RAD51B: variants seen among roughly 807,000 people sequenced by gnomAD.
RAD51B encodes RAD51 paralog B.
In RAD51B, 38 loss-of-function variants were observed where a neutral mutation model predicts 42.2. The ratio of observed to expected loss-of-function variants is 0.90; its 90% CI spans 0.70 to 1.18. The LOEUF is 1.18. Among genes scored for constraint, RAD51B ranks in the 50% most tolerant of loss-of-function variants. The probability of loss-of-function intolerance (pLI) is 0.00; values close to 1 mark genes in which losing one functional copy is unlikely to be tolerated. For synonymous variants in RAD51B, 154 were observed against 145.2 expected, an observed-to-expected ratio of 1.06 and a Z score of -0.43; for missense variants, 373 against 400.7, an observed-to-expected ratio of 0.93 and a Z score of 0.59.
chr14:67,958,273 A>G (rs564299619), intron 7 of RAD51B, among the ~76,000 whole-genome samples: 1 of 152,284 alleles, frequency 6.6e-6, no homozygotes, highest in South Asian at 2.1e-4. Context: ...TTTCTGTATG[A>G]ATTTCTTTCC....
At chr14:68,611,562 G>A in exon 11 of RAD51B, 1 of 428,130 alleles carries the variant, frequency 2.3e-6, no homozygotes, top group South Asian at 2.7e-5. Flanking sequence ...CAGCTCCTAG[G>A]AGGAAAGGTA....
At chr14:68,092,689 A>G (rs1253171532) in intron 7 of RAD51B, among the ~76,000 whole-genome samples, 6 of 152,118 alleles carry the variant, frequency 3.9e-5, no homozygotes, top group Non-Finnish European at 8.8e-5. Flanking sequence ...AATACCCTTT[A>G]TTTCCTTTTC....
chr14:68,654,981 G>A (rs1239047597), intron 11 of RAD51B, among the ~76,000 whole-genome samples: 1 of 152,150 alleles, frequency 6.6e-6, no homozygotes, highest in Non-Finnish European at 1.5e-5. Flanking sequence ...TGAAAGGAGG[G>A]AGTAGGAGGC....
chr14:68,283,785 C>T (rs184312752), intron 7 of RAD51B, among the ~76,000 whole-genome samples: 7 of 152,352 alleles, frequency 4.6e-5, no homozygotes, highest in Admixed American at 4.6e-4. Context: ...GGCACGGTAG[C>T]TGCCGGCCCA....
chr14:68,457,904 C>T (rs1310330308), intron 9 of RAD51B, among the ~76,000 whole-genome samples: 2 of 149,216 alleles, frequency 1.3e-5, no homozygotes, highest in South Asian at 2.1e-4. Flanking sequence ...TGAGCCACTG[C>T]GCCCAGCCCT....
At chr14:68,339,103 C>T (rs191433675) in intron 8 of RAD51B, 1 of 690,816 alleles carries the variant, frequency 1.4e-6, no homozygotes, top group South Asian at 1.5e-5. Context: ...AAGGTGGTGA[C>T]CATGTTAACT....
chr14:68,645,113 C>A (rs1892538780), intron 10 of RAD51B, among the ~76,000 whole-genome samples: 1 of 152,166 alleles, frequency 6.6e-6, no homozygotes, highest in Non-Finnish European at 1.5e-5. Context: ...TTTGATCTTT[C>A]CAACCTGAAA....
intron 5 of RAD51B, among the ~76,000 whole-genome samples, chr14:67,868,343 G>A (rs554382051): frequency 2.0e-5 from 3 of 152,314 alleles, no homozygotes; most frequent in South Asian, 2.1e-4. Flanking sequence ...CTGGAAAATC[G>A]GGTCACTCCC....
intron 3 of RAD51B, among the ~76,000 whole-genome samples, chr14:67,834,149 C>T (rs1188213037): frequency 1.3e-5 from 2 of 152,104 alleles, no homozygotes; most frequent in Non-Finnish European, 2.9e-5. Context: ...TTTTGGTGGC[C>T]ATTAACATTC....
intron 7 of RAD51B, among the ~76,000 whole-genome samples, chr14:68,022,864 C>T (rs945981535): frequency 6.6e-6 from 1 of 152,054 alleles, no homozygotes; most frequent in African/African-American, 2.4e-5. Flanking sequence ...CTGGTGTACT[C>T]AATATTTCAC....
At chr14:68,648,573 C>G (rs1442826280) in intron 10 of RAD51B, among the ~76,000 whole-genome samples, 3 of 151,492 alleles carry the variant, frequency 2.0e-5, no homozygotes, top group Non-Finnish European at 2.9e-5. Context: ...CATCTGCACA[C>G]TCATTTGAAT....
chr14:68,515,947 G>T (rs111761199), intron 10 of RAD51B, among the ~76,000 whole-genome samples: 193 of 151,708 alleles, frequency 1.3e-3, no homozygotes, highest in African/African-American at 4.4e-3. Context: ...CACCATGCCC[G>T]GGTAATTTTT....
chr14:68,342,565 TTC>T (rs1175001463), intron 8 of RAD51B, among the ~76,000 whole-genome samples: 4 of 152,006 alleles, frequency 2.6e-5, no homozygotes, highest in Non-Finnish European at 5.9e-5. Context: ...CTCTCTCTCT[TTC>T]TCTCTCTCTC....
At chr14:68,475,604 T>A (rs1882507446) in intron 10 of RAD51B, among the ~76,000 whole-genome samples, 1 of 152,128 alleles carries the variant, frequency 6.6e-6, no homozygotes, top group Non-Finnish European at 1.5e-5. Flanking sequence ...CTATTGCTTA[T>A]AGCACAAGGC....
At chr14:67,997,470 G>A (rs764633293) in intron 7 of RAD51B, among the ~76,000 whole-genome samples, 7 of 152,250 alleles carry the variant, frequency 4.6e-5, no homozygotes, top group Non-Finnish European at 5.9e-5. Flanking sequence ...TCACAGTCAC[G>A]TCCTAAATTA....
chr14:67,988,454 A>G (rs11622243), intron 7 of RAD51B, among the ~76,000 whole-genome samples: 41,719 of 151,946 alleles, frequency 0.27, 7,463 homozygotes, highest in African/African-American at 0.51. Flanking sequence ...ACAACACTCC[A>G]TCTCAAAAAA....
chr14:68,543,719 A>G (rs1274196992), intron 10 of RAD51B, among the ~76,000 whole-genome samples: 1 of 152,198 alleles, frequency 6.6e-6, no homozygotes, highest in Non-Finnish European at 1.5e-5. Flanking sequence ...CTTTTCAACC[A>G]TACAGCCACC....
At chr14:67,915,759 A>T (rs1270448103) in intron 7 of RAD51B, among the ~76,000 whole-genome samples, 1 of 152,226 alleles carries the variant, frequency 6.6e-6, no homozygotes, top group East Asian at 1.9e-4. Flanking sequence ...TATTGTCTAA[A>T]GTTACAACAT....
At chr14:68,291,008 A>G (rs951423986) in intron 7 of RAD51B, among the ~76,000 whole-genome samples, 3 of 151,780 alleles carry the variant, frequency 2.0e-5, no homozygotes, top group Admixed American at 6.6e-5. Context: ...GGGTTTCTCC[A>G]CATTGGCAAG....
Sources: allele counts gnomAD v4.1 joint callset (sites outside exome capture counted in the v4.1 genomes callset), GRCh38; gene constraint gnomAD v4.1.1; transcripts MANE v1.5; gene names NCBI Gene and HGNC (gene_info 2026-07-23, HGNC 2026-07-21).